Variants in AP3D1 observed in about 807,000 individuals in gnomAD.
AP3D1 encodes the protein adaptor related protein complex 3 subunit delta 1.
A neutral mutation model predicts 147.6 loss-of-function variants in AP3D1; 51 were observed. That is an observed-to-expected ratio of 0.35 (90% confidence interval 0.28 to 0.44). The LOEUF (loss-of-function observed/expected upper bound fraction) is 0.44, where lower values mean the gene tolerates loss of function less well. Ranked by LOEUF, AP3D1 falls within the 20% of genes least tolerant of loss-of-function variation. The pLI is 1.00. For missense variants in AP3D1, 1,421 were observed against 1,624.2 expected, an observed-to-expected ratio of 0.87 and a Z score of 2.15; for synonymous variants, 760 against 663.0, an observed-to-expected ratio of 1.15 and a Z score of -2.25.
intron 14 of AP3D1, among the ~76,000 whole-genome samples, chr19:2,120,642 A>C (rs1354284120): frequency 6.6e-6 from 1 of 152,186 alleles, no homozygotes; most frequent in Non-Finnish European, 1.5e-5. Context: ...CAGATGCCCG[A>C]GGGCAGAGGG....
In AP3D1 at chr19:2,115,410, T is replaced by C. The variant is rs532898504; in HGVS notation, c.2158A>G (p.Met720Val). The change falls in exon 20 of 32, where the codon ATG becomes GTG. Residue 720 changes from methionine (M) to valine (V), a missense_variant. Met to Val is a conservative substitution (Grantham distance 21). Coordinates refer to ENST00000643116, the MANE Select transcript of AP3D1 (RefSeq NM_001261826.3). Reference protein sequence around the residue: ...SVPLKVPGLPMSDQYVKLEEE... With the variant: ...SVPLKVPGLPVSDQYVKLEEE... ...TCCAGCTTCACATACTGATCTGACA[T>C]AGGCAGCCCTGCGGGCCGGCAGCGG... The C allele has an allele frequency of 4.0e-5, 64 of 1,607,048 alleles. 1 individual carries two copies. In the South Asian group the frequency reaches 6.0e-4, roughly 15 times the overall value.
intron 9 of AP3D1, 113 bp from the exon 10 acceptor site, chr19:2,123,992 G>T: frequency 8.4e-7 from 1 of 1,191,008 alleles, no homozygotes; most frequent in Non-Finnish European, 1.2e-6. Flanking sequence ...TGGGAGGGAG[G>T]ACAGAAATGC....
chr19:2,137,922 T>G, intron 2 of AP3D1, 115 bp from the exon 3 acceptor site: 1 of 889,020 alleles, frequency 1.1e-6, no homozygotes, highest in Non-Finnish European at 1.8e-6. Flanking sequence ...ACTCATTCAC[T>G]GTCAGCAAAC....
At chr19:2,159,241 C>T (rs1162544684) in intron 1 of AP3D1, among the ~76,000 whole-genome samples, 49 of 144,302 alleles carry the variant, frequency 3.4e-4, no homozygotes, top group Admixed American at 1.2e-3. Flanking sequence ...TTTTTTGAGA[C>T]GGAGTCTCCC....
chr19:2,144,973 G>A (rs970305362), intron 1 of AP3D1, among the ~76,000 whole-genome samples: 1 of 152,144 alleles, frequency 6.6e-6, no homozygotes, highest in African/African-American at 2.4e-5. Context: ...GCAGGTCAGT[G>A]GTCGCCAGGG....
At chr19:2,138,374 G>A (rs1434635193) in intron 2 of AP3D1, among the ~76,000 whole-genome samples, 3 of 152,234 alleles carry the variant, frequency 2.0e-5, no homozygotes, top group Non-Finnish European at 2.9e-5. Context: ...CCCAGAAGAG[G>A]ACCCCATGGG....
chr19:2,109,232 C>T (rs747994117), intron 29 of AP3D1, 25 bp from the exon 30 acceptor site: 3 of 1,557,776 alleles, frequency 1.9e-6, no homozygotes, highest in African/African-American at 1.4e-5. Flanking sequence ...GGGAGGCTGA[C>T]TGCGGTGGGG....
At chr19:2,111,115 C>T in intron 26 of AP3D1, 170 bp downstream of exon 26, 1 of 976,064 alleles carries the variant, frequency 1.0e-6, no homozygotes, top group Non-Finnish European at 1.5e-6. Flanking sequence ...GGGCATGTCT[C>T]CAACCTTACC....
chr19:2,131,051 G>A (rs1348947150), intron 5 of AP3D1, among the ~76,000 whole-genome samples: 1 of 152,264 alleles, frequency 6.6e-6, no homozygotes, highest in African/African-American at 2.4e-5. Context: ...GTGAAGGCCA[G>A]CAGTCAGTGT....
intron 12 of AP3D1, among the ~76,000 whole-genome samples, chr19:2,121,527 T>C (rs2018611096): frequency 6.6e-6 from 1 of 152,154 alleles, no homozygotes; most frequent in African/African-American, 2.4e-5. Context: ...GCACAGTCTG[T>C]TCTGCAGGCT....
chr19:2,139,110 G>C (rs1599486387), intron 1 of AP3D1, among the ~76,000 whole-genome samples: 1 of 147,312 alleles, frequency 6.8e-6, no homozygotes, highest in African/African-American at 2.5e-5. Flanking sequence ...GCATAAGAGA[G>C]AGCACACCGT....
chr19:2,153,677 A>G (rs1348532709), upstream of AP3D1, among the ~76,000 whole-genome samples: 3 of 151,064 alleles, frequency 2.0e-5, no homozygotes, highest in Non-Finnish European at 4.4e-5. Context: ...TCCGTCTCAA[A>G]AAAAAAAAAA....
chr19:2,143,520 G>A (rs1055446292), intron 1 of AP3D1, among the ~76,000 whole-genome samples: 5 of 151,928 alleles, frequency 3.3e-5, no homozygotes, highest in Admixed American at 2.0e-4. Flanking sequence ...GATTACAGGC[G>A]TGAGCCACCG....
At position 2,137,735 on chromosome 19, in the gene AP3D1, T is replaced by G. The variant is rs765911355; in HGVS notation, c.265A>C (p.Thr89Pro). The G allele has an allele frequency of 1.9e-6, 3 of 1,613,900 alleles. No individual in the cohort carries two copies. The highest frequency in any genetic ancestry group is 2.5e-6 in the Non-Finnish European group (3 of 1,179,910). Residue 89 changes from threonine (T) to proline (P), a missense_variant, in exon 3 of 32, where the codon ACC becomes CCC. Coordinates refer to ENST00000643116, the MANE Select transcript of AP3D1 (RefSeq NM_001261826.3). Reference protein sequence around the residue: ...IIEVMSASKFTFKRIGYLAAS... With the variant: ...IIEVMSASKFPFKRIGYLAAS... ...CCGTCCCAGAACCTCACCTTGAAGG[T>G]GAACTTGGAGGCACTCATCACTTCT...
chr19:2,110,019 G>A, intron 28 of AP3D1, 61 bp from the exon 29 acceptor site: 1 of 1,598,304 alleles, frequency 6.3e-7, no homozygotes, highest in East Asian at 2.2e-5. Context: ...AGGGCTCAGG[G>A]TTCCCCAGGC....
At chr19:2,137,951 G>C (rs1319036809) in intron 2 of AP3D1, 144 bp from the exon 3 acceptor site, 1 of 578,812 alleles carries the variant, frequency 1.7e-6, no homozygotes, top group Non-Finnish European at 3.1e-6. Flanking sequence ...ACGTACCCCT[G>C]GGGCCTTTAA....
intron 4 of AP3D1, 66 bp downstream of exon 4, chr19:2,136,945 A>G (rs2019092153): frequency 3.5e-6 from 5 of 1,443,198 alleles, no homozygotes; most frequent in Middle Eastern, 3.5e-4. Context: ...CGCGTGTGGG[A>G]ACCAGACGCT....
At chr19:2,124,094 C>T (rs564598023) in intron 9 of AP3D1, among the ~76,000 whole-genome samples, 7 of 152,374 alleles carry the variant, frequency 4.6e-5, no homozygotes, top group African/African-American at 1.7e-4. Context: ...GGCCCCCACC[C>T]TCACTGACAG....
intron 31 of AP3D1, among the ~76,000 whole-genome samples, chr19:2,106,092 CA>C (rs1052725563): frequency 6.6e-6 from 1 of 150,408 alleles, no homozygotes; most frequent in African/African-American, 2.4e-5. Flanking sequence ...GACTCCATCT[CA>C]AAAAAAAAGA....
Sources: gnomAD v4.1 joint callset for allele counts (sites outside exome capture counted in the v4.1 genomes callset) on GRCh38, gnomAD v4.1.1 for gene constraint, MANE v1.5 for transcripts, NCBI Gene and HGNC (gene_info 2026-07-23, HGNC 2026-07-21) for gene names.